Variants in CNTN5 observed in about 807,000 individuals in gnomAD.
CNTN5 encodes the protein contactin 5.
Under a neutral mutation model 129.1 loss-of-function variants are expected in CNTN5, and 77 were observed. The ratio of observed to expected loss-of-function variants is 0.60; its 90% CI spans 0.50 to 0.72. CNTN5 has a LOEUF of 0.72. CNTN5 is among the 30% of genes least tolerant of loss of function. CNTN5 has a pLI of 0.00. For synonymous variants in CNTN5, 509 were observed against 465.6 expected, an observed-to-expected ratio of 1.09 and a Z score of -1.20; for missense variants, 1,478 against 1,328.8, an observed-to-expected ratio of 1.11 and a Z score of -1.75.
chr11:99,958,927 C>T (rs1300025766), intron 8 of CNTN5, among the ~76,000 whole-genome samples: 5 of 152,158 alleles, frequency 3.3e-5, no homozygotes, highest in Non-Finnish European at 7.3e-5. Flanking sequence ...CTACACATTG[C>T]CGATCACAAG....
rs768368629 is a variant in CNTN5 at position 99,845,051 on chromosome 11, G to C, written c.402-36G>C. The C allele has an allele frequency of 1.6e-5, 26 of 1,611,106 alleles. No individual in the cohort carries two copies. The South Asian group carries it at 2.9e-4, about 18-fold the overall frequency. ...AATGATATTCTGACACTCTCAGGGAGGATTATACATATTTGTCTTCTGATT... is the reference window on the plus strand; with the variant it reads ...AATGATATTCTGACACTCTCAGGGACGATTATACATATTTGTCTTCTGATT... On this transcript the variant is annotated intron_variant, in intron 5 of 24. Coordinates refer to ENST00000524871, the MANE Select transcript of CNTN5 (RefSeq NM_014361.4).
intron 15 of CNTN5, among the ~76,000 whole-genome samples, chr11:100,204,448 A>G (rs1411949164): frequency 6.7e-6 from 1 of 148,328 alleles, no homozygotes; most frequent in African/African-American, 2.5e-5. Context: ...AGATCTATAG[A>G]TATAGATCTG....
chr11:99,277,173 A>G (rs1264323985), intron 1 of CNTN5, among the ~76,000 whole-genome samples: 2 of 151,654 alleles, frequency 1.3e-5, no homozygotes, highest in South Asian at 2.1e-4. Flanking sequence ...ATTAGAAGCA[A>G]TACAGGTACC....
At chr11:99,717,695 A>G (rs1943023260) in intron 3 of CNTN5, among the ~76,000 whole-genome samples, 1 of 152,108 alleles carries the variant, frequency 6.6e-6, no homozygotes, top group Non-Finnish European at 1.5e-5. Flanking sequence ...TCAAAAAATG[A>G]ATTATAGCAA....
chr11:99,954,401 T>G (rs1159231050), intron 7 of CNTN5, among the ~76,000 whole-genome samples: 1 of 152,168 alleles, frequency 6.6e-6, no homozygotes, highest in South Asian at 2.1e-4. Context: ...GTTGACCAAC[T>G]AATCTCAATA....
chr11:99,966,663 C>G (rs1951101963), intron 8 of CNTN5, among the ~76,000 whole-genome samples: 1 of 152,142 alleles, frequency 6.6e-6, no homozygotes, highest in African/African-American at 2.4e-5. Context: ...AACATCTGGT[C>G]AAGATATGTT....
intron 1 of CNTN5, among the ~76,000 whole-genome samples, chr11:99,151,608 G>T (rs1261843967): frequency 6.6e-6 from 1 of 152,074 alleles, no homozygotes; most frequent in African/African-American, 2.4e-5. Context: ...AAATGACAAG[G>T]TGTTATTATT....
Position 99,625,734 on chromosome 11 carries a change from G to C in CNTN5, c.55+69465G>C, listed in dbSNP as rs929253811. Among the ~76,000 whole-genome samples the C allele has an allele frequency of 4.6e-5, 7 of 151,430 alleles. No homozygotes were observed. In the Admixed American group the frequency reaches 4.7e-4, roughly 10 times the overall value. On this transcript the variant is annotated intron_variant, in intron 3 of 24. Transcript: ENST00000524871. ...CATCCCATCACTTTTCTTCAGGTGAGGTAATGAAACTATTGACTCCTTTAT... is the reference window on the plus strand; with the variant it reads ...CATCCCATCACTTTTCTTCAGGTGACGTAATGAAACTATTGACTCCTTTAT...
At chr11:99,236,501 G>C (rs558127820) in intron 1 of CNTN5, among the ~76,000 whole-genome samples, 2,263 of 151,182 alleles carry the variant, frequency 0.015, 44 homozygotes, top group African/African-American at 0.051. Flanking sequence ...CACACACAGA[G>C]AGAGAGAGAG....
intron 1 of CNTN5, among the ~76,000 whole-genome samples, chr11:99,202,555 G>A (rs55835702): frequency 0.23 from 34,392 of 151,982 alleles, 3,936 homozygotes; most frequent in Middle Eastern, 0.26. Context: ...TCTTAGTAAT[G>A]TAACAAACAG....
At chr11:100,129,275 C>A (rs1057299289) in intron 13 of CNTN5, among the ~76,000 whole-genome samples, 1 of 152,232 alleles carries the variant, frequency 6.6e-6, no homozygotes, top group South Asian at 2.1e-4. Context: ...TTTCAGGTAG[C>A]CTTTTTTCTA....
chr11:100,352,746 TAAC>T (rs1345307490), intron 24 of CNTN5, among the ~76,000 whole-genome samples: 1 of 151,838 alleles, frequency 6.6e-6, no homozygotes, highest in African/African-American at 2.4e-5. Flanking sequence ...AGTATAGTTT[TAAC>T]AACAAGAAAA....
At chr11:100,203,235 A>G (rs1948827050) in intron 15 of CNTN5, among the ~76,000 whole-genome samples, 1 of 152,062 alleles carries the variant, frequency 6.6e-6, no homozygotes, top group South Asian at 2.1e-4. Context: ...GTGTTTTCCC[A>G]TTAATTAAAG....
At chr11:100,336,907 G>T in intron 21 of CNTN5, 1 of 589,196 alleles carries the variant, frequency 1.7e-6, no homozygotes, top group Non-Finnish European at 3.1e-6. Flanking sequence ...AGGGCAGCCG[G>T]TGAATACATG....
At chr11:99,304,568 T>G (rs1182260559) in intron 1 of CNTN5, among the ~76,000 whole-genome samples, 1 of 152,230 alleles carries the variant, frequency 6.6e-6, no homozygotes, top group Non-Finnish European at 1.5e-5. Flanking sequence ...TTTCAAGGTA[T>G]TGTTTACAAA....
At chr11:99,048,668 A>C (rs961074588) in intron 1 of CNTN5, among the ~76,000 whole-genome samples, 5 of 152,140 alleles carry the variant, frequency 3.3e-5, no homozygotes, top group Non-Finnish European at 1.5e-5. Flanking sequence ...ACCAAACTAC[A>C]TTATGCTACA....
chr11:99,090,744 C>T (rs545727512), intron 1 of CNTN5, among the ~76,000 whole-genome samples: 2 of 150,042 alleles, frequency 1.3e-5, no homozygotes, highest in East Asian at 2.0e-4. Context: ...AAAAAACGGC[C>T]GGGCGCGGTG....
chr11:99,993,928 C>T (rs769856226), intron 8 of CNTN5, among the ~76,000 whole-genome samples: 3 of 152,150 alleles, frequency 2.0e-5, no homozygotes, highest in Non-Finnish European at 2.9e-5. Context: ...TAATTTCTTG[C>T]AGTATAGCCC....
chr11:100,162,038 C>T (rs147604109), intron 13 of CNTN5, among the ~76,000 whole-genome samples: 1 of 151,768 alleles, frequency 6.6e-6, no homozygotes, highest in African/African-American at 2.4e-5. Flanking sequence ...CAGCAGGAGA[C>T]AGCCATTCAT....
Sources: gnomAD v4.1 joint callset for allele counts (sites outside exome capture counted in the v4.1 genomes callset) on GRCh38, gnomAD v4.1.1 for gene constraint, MANE v1.5 for transcripts, NCBI Gene and HGNC (gene_info 2026-07-23, HGNC 2026-07-21) for gene names.